ZNF469: variants seen among roughly 807,000 people sequenced by gnomAD.
ZNF469 encodes zinc finger protein 469.
In ZNF469, 1 loss-of-function variant was observed where a neutral mutation model predicts 1.0. The ratio of observed to expected loss-of-function variants is 1.00; its 90% CI spans 0.35 to 4.73. The LOEUF (loss-of-function observed/expected upper bound fraction) is 4.73. Ranked by LOEUF, ZNF469 falls within the 30% of genes most tolerant of loss-of-function variation. ZNF469 has a pLI of 0.16. For synonymous variants in ZNF469, 2,703 were observed against 2,363.4 expected, an observed-to-expected ratio of 1.14 and a Z score of -4.17; for missense variants, 6,100 against 5,356.3, an observed-to-expected ratio of 1.14 and a Z score of -4.33.
the ZNF469 span, among the ~76,000 whole-genome samples, chr16:88,281,998 G>GGC: frequency 6.6e-6 from 1 of 152,220 alleles, no homozygotes; most frequent in Non-Finnish European, 1.5e-5. Context: ...TGGTGCATGG[G>GGC]TTAGTTAGTA....
intron 1 of ZNF469, among the ~76,000 whole-genome samples, chr16:88,407,451 C>T (rs1017204776): frequency 6.6e-6 from 1 of 152,254 alleles, no homozygotes; most frequent in African/African-American, 2.4e-5. Context: ...TGGCCGATGA[C>T]GCACTAATTG....
chr16:88,432,243 T>G lies in ZNF469; in HGVS notation c.4773T>G (p.Ala1591=), dbSNP rs1291518055. 2 of 1,548,956 alleles carry G rather than the reference T, an allele frequency of 1.3e-6. No homozygotes were observed. The highest frequency in any genetic ancestry group is 4.9e-5 in the East Asian group (2 of 40,912). Residue 1591 remains alanine, a synonymous_variant, in exon 3 of 3, where the codon GCT becomes GCG. Coordinates refer to ENST00000565624, the MANE Select transcript of ZNF469 (RefSeq NM_001367624.2). ...TRGAPRELAE[A]ESVGRVELGT... is the part of the protein sequence containing the mutation. ...GGGCCCCGAGAGAGCTTGCAGAAGC[T>G]GAGTCGGTGGGCAGGGTGGAGCTCG...
chr16:88,381,243 G>C (rs1410864199), upstream of ZNF469, among the ~76,000 whole-genome samples: 239 of 75,850 alleles, frequency 3.2e-3, no homozygotes, highest in African/African-American at 0.012. Flanking sequence ...CGCACTCACA[G>C]ACATGCACTC....
chr16:88,347,178 AC>A, the ZNF469 span, among the ~76,000 whole-genome samples: 1 of 151,968 alleles, frequency 6.6e-6, no homozygotes, highest in Non-Finnish European at 1.5e-5. Flanking sequence ...CAAGCTGGGG[AC>A]CCACACCTAT....
At chr16:88,206,186 A>T in the ZNF469 span, among the ~76,000 whole-genome samples, 45 of 152,266 alleles carry the variant, frequency 3.0e-4, no homozygotes, top group Non-Finnish European at 3.2e-4. Context: ...TCCAGCCGGG[A>T]TAGGACTTGT....
At chr16:88,259,136 A>G in the ZNF469 span, among the ~76,000 whole-genome samples, 1 of 152,266 alleles carries the variant, frequency 6.6e-6, no homozygotes, top group Admixed American at 6.5e-5. The surrounding 1 kb of genome is among the most constrained non-coding windows in gnomAD (Gnocchi z 4.1). Context: ...AGAAAAAGCC[A>G]TGCCACAAGG....
upstream of ZNF469, among the ~76,000 whole-genome samples, chr16:88,378,168 A>G (rs2092513846): frequency 6.6e-6 from 1 of 152,090 alleles, no homozygotes; most frequent in Non-Finnish European, 1.5e-5. Flanking sequence ...GGTGGGCGCC[A>G]TGATGTCATC....
At position 88,436,417 on chromosome 16, in the gene ZNF469, C is replaced by G; in HGVS notation, c.8947C>G (p.Arg2983Gly). ...GCCCTCCCACTGCCCCGAGGACGAT[C>G]GGCCGGAGGCCATTCCTGAGCTGCA... ...KLPSHCPEDD[R>G]PEAIPELHMV... Residue 2983 changes from arginine (R) to glycine (G), a missense_variant, in exon 3 of 3, where the codon CGG becomes GGG. Physicochemically the swap from Arg to Gly is moderately radical, Grantham distance 125 (BLOSUM62 -2). Transcript: ENST00000565624. The G allele has an allele frequency of 6.5e-7, 1 of 1,549,002 alleles. No individual in the cohort carries two copies.
intron 1 of ZNF469, among the ~76,000 whole-genome samples, chr16:88,415,109 G>A (rs1905270738): frequency 6.6e-6 from 1 of 152,240 alleles, no homozygotes; most frequent in African/African-American, 2.4e-5. Context: ...CTGAGCCTCG[G>A]TTTCTCGTCT....
chr16:88,435,332 T>C lies in ZNF469; in HGVS notation c.7862T>C (p.Val2621Ala), dbSNP rs1426300472. The C allele has an allele frequency of 4.5e-6, 7 of 1,550,300 alleles. No homozygotes were observed. The East Asian group carries it at 1.7e-4, about 38-fold the overall frequency. Residue 2621 changes from valine to alanine, a missense_variant, in exon 3 of 3, where the codon GTG (valine) becomes GCG (alanine). Physicochemically the swap from Val to Ala is moderately conservative, Grantham distance 64. Transcript: ENST00000565624. ...CGGAGGTGGCGCCGAGAGCCCACCG[T>C]GGACTCTCCTAGCCACTCAGAGGGG... Reference protein sequence around the residue: ...EGRRWRREPTVDSPSHSEGKS... With the variant: ...EGRRWRREPTADSPSHSEGKS...
chr16:88,296,462 C>A, the ZNF469 span, among the ~76,000 whole-genome samples: 61 of 149,252 alleles, frequency 4.1e-4, no homozygotes, highest in Admixed American at 1.6e-3. Context: ...ACCCTCCCCC[C>A]CACACACAGT....
At chr16:88,404,190 A>C (rs983587821) in intron 1 of ZNF469, among the ~76,000 whole-genome samples, 1 of 152,146 alleles carries the variant, frequency 6.6e-6, no homozygotes, top group African/African-American at 2.4e-5. Flanking sequence ...CACCCCCGGC[A>C]CCTGGCTGCA....
chr16:88,425,018 C>T (rs778436170), intron 2 of ZNF469, among the ~76,000 whole-genome samples, 147 bp downstream of exon 2: 9 of 152,290 alleles, frequency 5.9e-5, no homozygotes, highest in Non-Finnish European at 1.3e-4. Context: ...CGAGAGCCGA[C>T]TCCTGGGGCC....
chr16:88,258,836 A>G, the ZNF469 span, among the ~76,000 whole-genome samples: 3 of 152,178 alleles, frequency 2.0e-5, no homozygotes, highest in Non-Finnish European at 4.4e-5. Flanking sequence ...TTCTACACAG[A>G]TGTTATGCTT....
chr16:88,362,458 A>C, the ZNF469 span, among the ~76,000 whole-genome samples: 3 of 152,138 alleles, frequency 2.0e-5, no homozygotes, highest in African/African-American at 7.2e-5. Context: ...GAAATTCTCT[A>C]GTTTGCTTTT....
chr16:88,187,031 G>A, the ZNF469 span, among the ~76,000 whole-genome samples: 2 of 152,174 alleles, frequency 1.3e-5, no homozygotes, highest in African/African-American at 4.8e-5. Context: ...CCTGCAGGTG[G>A]GGCGGCTGGG....
chr16:88,259,651 G>A, the ZNF469 span, among the ~76,000 whole-genome samples: 1 of 152,100 alleles, frequency 6.6e-6, no homozygotes, highest in African/African-American at 2.4e-5. This position sits in a 1 kb window ranked among gnomAD's most constrained non-coding sequence, Gnocchi z 4.1. Flanking sequence ...CCCAGGCACC[G>A]CGCTCTTTCT....
chr16:88,278,953 A>C, the ZNF469 span, among the ~76,000 whole-genome samples: 1 of 151,040 alleles, frequency 6.6e-6, no homozygotes, highest in Non-Finnish European at 1.5e-5. Flanking sequence ...TAGCGTGTAG[A>C]TATCATTAGT....
the ZNF469 span, among the ~76,000 whole-genome samples, chr16:88,347,257 C>T: frequency 6.6e-6 from 1 of 152,304 alleles, no homozygotes; most frequent in South Asian, 2.1e-4. Flanking sequence ...CATTCGATCC[C>T]CCAAAAGACG....
Sources: gnomAD v4.1 joint callset for allele counts (sites outside exome capture counted in the v4.1 genomes callset) on GRCh38, gnomAD v4.1.1 for gene constraint, Gnocchi (gnomAD v3.1) non-coding constraint, MANE v1.5 for transcripts, NCBI Gene and HGNC (gene_info 2026-07-23, HGNC 2026-07-21) for gene names.